FANK1: variants seen among roughly 807,000 people sequenced by gnomAD.
FANK1 encodes fibronectin type III and ankyrin repeat domains 1, also known as fibronectin type 3 and ankyrin repeat domains protein 1.
FANK1 carries 44 observed loss-of-function variants against 45.3 expected under a neutral mutation model. That is an observed-to-expected ratio of 0.97 (90% CI 0.76 to 1.25). FANK1 has a LOEUF of 1.25. Among genes scored for constraint, FANK1 ranks in the 50% most tolerant of loss-of-function variants. The pLI is 0.00. For synonymous variants in FANK1, 149 were observed against 152.5 expected (o/e 0.98, Z 0.17); for missense variants, 391 against 424.4 (o/e 0.92, Z 0.69).
At chr10:125,998,630 TAAG>T (rs1394794070) in intron 6 of FANK1, among the ~76,000 whole-genome samples, 4 of 152,032 alleles carry the variant, frequency 2.6e-5, no homozygotes, top group Non-Finnish European at 5.9e-5. Context: ...TTTGTAAATC[TAAG>T]AAGAAAAAAA....
At chr10:125,925,203 A>G (rs1947261098) in intron 1 of FANK1, among the ~76,000 whole-genome samples, 1 of 152,274 alleles carries the variant, frequency 6.6e-6, no homozygotes. Context: ...TACTAGAAGC[A>G]TGGATTTGTC....
intron 1 of FANK1, among the ~76,000 whole-genome samples, chr10:125,911,144 G>A (rs968111685): frequency 2.0e-5 from 3 of 152,118 alleles, no homozygotes; most frequent in Non-Finnish European, 2.9e-5. Context: ...GCAGAGGAGC[G>A]TGTATCATCC....
At chr10:125,948,956 G>A (rs1357496179) in intron 1 of FANK1, among the ~76,000 whole-genome samples, 2 of 146,632 alleles carry the variant, frequency 1.4e-5, no homozygotes, top group African/African-American at 5.1e-5. Flanking sequence ...ATGCAAGGCT[G>A]GTTCAATATA....
intron 1 of FANK1, among the ~76,000 whole-genome samples, chr10:125,952,009 G>A (rs185267362): frequency 1.3e-5 from 2 of 152,232 alleles, no homozygotes; most frequent in South Asian, 2.1e-4. Context: ...TGCTATATTG[G>A]TGGCAATTTT....
At chr10:125,914,295 A>ATATATATATATATATAT (rs1946274486) in intron 1 of FANK1, among the ~76,000 whole-genome samples, 2 of 150,966 alleles carry the variant, frequency 1.3e-5, no homozygotes, top group Non-Finnish European at 2.9e-5. Flanking sequence ...ATATATATTT[A>ATATATATATATATATAT]AAAAGTCTCA....
chr10:125,993,569 T>C (rs2134216387), intron 3 of FANK1, among the ~76,000 whole-genome samples: 1 of 152,252 alleles, frequency 6.6e-6, no homozygotes, highest in East Asian at 1.9e-4. Flanking sequence ...CCCTTCGTTG[T>C]GGCAATCAAA....
At chr10:125,918,586 AT>A (rs1270744272) in intron 1 of FANK1, among the ~76,000 whole-genome samples, 1,299 of 57,164 alleles carry the variant, frequency 0.023, 34 homozygotes, top group African/African-American at 0.054. Flanking sequence ...AAAAAAAAAA[AT>A]ATATATATAT....
chr10:125,944,515 T>A (rs1483243597), intron 1 of FANK1, among the ~76,000 whole-genome samples: 1 of 152,178 alleles, frequency 6.6e-6, no homozygotes, highest in African/African-American at 2.4e-5. Context: ...CCCCCCAAAA[T>A]CTGGCGATAA....
At chr10:125,924,820 A>T (rs1333979560) in intron 1 of FANK1, among the ~76,000 whole-genome samples, 15 of 151,774 alleles carry the variant, frequency 9.9e-5, no homozygotes, top group East Asian at 9.8e-4. Flanking sequence ...AAAAAAAAAA[A>T]AAAAAAAAGA....
intron 6 of FANK1, among the ~76,000 whole-genome samples, chr10:125,998,819 G>T (rs1399229420): frequency 6.6e-6 from 1 of 152,152 alleles, no homozygotes; most frequent in Non-Finnish European, 1.5e-5. Context: ...ATCCATGCAA[G>T]AAACTAGAAA....
intron 1 of FANK1, among the ~76,000 whole-genome samples, chr10:125,954,452 T>C (rs1212511894): frequency 2.0e-5 from 3 of 152,216 alleles, no homozygotes; most frequent in Non-Finnish European, 4.4e-5. Flanking sequence ...TAAATATTAG[T>C]ATTGTCATGA....
intron 3 of FANK1, among the ~76,000 whole-genome samples, chr10:125,991,250 G>GGGGT (rs138607074): frequency 6.9e-6 from 1 of 145,908 alleles, no homozygotes; most frequent in Non-Finnish European, 1.5e-5. Flanking sequence ...GGTGACCAGG[G>GGGGT]GTGTGTGTGT....
rs565682151 is a variant in FANK1 at position 125,970,153 on chromosome 10, C to T, written c.14-10008C>T. 5.1e-4 allele frequency among the ~76,000 whole-genome samples: 77 copies of T among 152,290 alleles called. 1 individual carries two copies. The highest frequency in any genetic ancestry group is 6.8e-3 in the Middle Eastern group (2 of 294). ...TGAGCTGTTGGGTACACCTCCCAGACGGGGTGGCGGCCGGGCAGAGGGGCT... is the reference window on the plus strand; with the variant it reads ...TGAGCTGTTGGGTACACCTCCCAGATGGGGTGGCGGCCGGGCAGAGGGGCT... On this transcript the variant is annotated intron_variant, in intron 1 of 10. Coordinates refer to ENST00000368693, the MANE Select transcript of FANK1 (RefSeq NM_145235.5).
chr10:125,923,472 ATT>A (rs373567113), intron 1 of FANK1, among the ~76,000 whole-genome samples: 42 of 147,544 alleles, frequency 2.8e-4, no homozygotes, highest in South Asian at 1.3e-3. Flanking sequence ...AAAAAAAAAA[ATT>A]TTTTTCATCT....
chr10:125,984,600 G>A (rs761647175), intron 2 of FANK1, among the ~76,000 whole-genome samples: 1 of 152,174 alleles, frequency 6.6e-6, no homozygotes, highest in Non-Finnish European at 1.5e-5. Flanking sequence ...GGGATGTCAA[G>A]GGCCAGGGAA....
In FANK1 at chr10:125,943,324, A is replaced by G. The variant is rs186918778; in HGVS notation, c.14-36837A>G. Among the ~76,000 whole-genome samples, 279 of 152,284 alleles carry G rather than the reference A, an allele frequency of 1.8e-3. 1 individual carries two copies. Among genetic ancestry groups the G allele is most frequent in the Non-Finnish European group, 3.2e-3 (221 of 68,020 alleles). Reference sequence around the variant, plus strand: ...AAAATGGCATATTTGACCTTTGGTAACTTTTAAAATATTGACATATAATTA... The same window carrying G: ...AAAATGGCATATTTGACCTTTGGTAGCTTTTAAAATATTGACATATAATTA... On this transcript the variant is annotated intron_variant, in intron 1 of 10. Coordinates refer to ENST00000368693, the MANE Select transcript of FANK1 (RefSeq NM_145235.5).
At chr10:125,949,263 G>A (rs1949032663) in intron 1 of FANK1, among the ~76,000 whole-genome samples, 1 of 150,002 alleles carries the variant, frequency 6.7e-6, no homozygotes, top group Admixed American at 6.6e-5. Flanking sequence ...TGTAAGTTCT[G>A]GCCAGGGCAA....
intron 2 of FANK1, 116 bp from the exon 3 acceptor site, chr10:125,988,435 C>T (rs968726884): frequency 8.0e-6 from 11 of 1,380,826 alleles, no homozygotes; most frequent in African/African-American, 1.4e-5. Context: ...CAGGATCCAT[C>T]GGCTGTGTCC....
chr10:125,950,185 C>A (rs1949106746), intron 1 of FANK1, among the ~76,000 whole-genome samples: 1 of 150,716 alleles, frequency 6.6e-6, no homozygotes, highest in African/African-American at 2.4e-5. Context: ...CTAGGCATTA[C>A]CATTCAGGAC....
Sources: allele counts gnomAD v4.1 joint callset (sites outside exome capture counted in the v4.1 genomes callset), GRCh38; gene constraint gnomAD v4.1.1; transcripts MANE v1.5; gene names NCBI Gene and HGNC (gene_info 2026-07-23, HGNC 2026-07-21).